The following LRP1B variants were observed in gnomAD, a reference collection of about 807,000 sequenced individuals.
LRP1B encodes the protein low-density lipoprotein receptor-related protein 1B.
Under a neutral mutation model 556.6 loss-of-function variants are expected in LRP1B, and 217 were observed. The observed-to-expected ratio is 0.39, with a 90% CI of 0.35 to 0.44. The LOEUF is 0.44. Ranked by LOEUF, LRP1B falls within the 20% of genes least tolerant of loss-of-function variation. The pLI is 1.00. For missense variants in LRP1B, 5,053 were observed against 5,620.8 expected, an observed-to-expected ratio of 0.90 and a Z score of 3.23; for synonymous variants, 2,047 against 1,865.8, an observed-to-expected ratio of 1.10 and a Z score of -2.50.
intron 66 of LRP1B, among the ~76,000 whole-genome samples, chr2:140,424,312 G>C (rs1478892478): frequency 6.6e-6 from 1 of 152,040 alleles, no homozygotes; most frequent in Non-Finnish European, 1.5e-5. Flanking sequence ...AATTTCAAAG[G>C]AGAGTTAAAT....
intron 1 of LRP1B, among the ~76,000 whole-genome samples, chr2:141,972,407 TTC>T (rs780006016): frequency 6.6e-6 from 1 of 151,644 alleles, no homozygotes; most frequent in African/African-American, 2.4e-5. Context: ...CTACATACTC[TTC>T]TTTTTTTAAT....
chr2:141,891,539 A>G (rs1699290314), intron 1 of LRP1B, among the ~76,000 whole-genome samples: 1 of 152,178 alleles, frequency 6.6e-6, no homozygotes. Flanking sequence ...GTAAGATTTT[A>G]TGCATACTCC....
chr2:141,565,516 G>A (rs1262869111), intron 2 of LRP1B, among the ~76,000 whole-genome samples: 2 of 152,124 alleles, frequency 1.3e-5, no homozygotes, highest in African/African-American at 2.4e-5. Flanking sequence ...AGCAGGTAAT[G>A]ATGTGGGATG....
In LRP1B at chr2:140,414,139, C is replaced by G. The variant is rs140900140; in HGVS notation, c.10415-28130G>C. ...CTATGTTGCCCAGACTGGTCTCAAA[C>G]TCATAACCTGAAGCAATCCTCCCAC... On this transcript the variant is annotated intron_variant, in intron 66 of 90. Coordinates refer to ENST00000389484, the MANE Select transcript of LRP1B (RefSeq NM_018557.3). Among the ~76,000 whole-genome samples, 967 of 152,240 alleles carry G rather than the reference C, an allele frequency of 6.4e-3. 11 individuals are homozygous for G. The highest frequency in any genetic ancestry group is 0.021 in the African/African-American group (853 of 41,536).
At chr2:140,539,522 C>T (rs532162755) in intron 45 of LRP1B, among the ~76,000 whole-genome samples, 1 of 152,176 alleles carries the variant, frequency 6.6e-6, no homozygotes, top group East Asian at 1.9e-4. Flanking sequence ...CTCTCGTCAA[C>T]AGAGAGAAGC....
intron 3 of LRP1B, among the ~76,000 whole-genome samples, chr2:141,300,257 TGCTTTGGAGGTACA>T (rs1426529548): frequency 6.6e-6 from 1 of 152,168 alleles, no homozygotes; most frequent in Non-Finnish European, 1.5e-5. Flanking sequence ...CTAAGACAAC[TGCTTTGGAGGTACA>T]CAAAGATTGA....
intron 1 of LRP1B, among the ~76,000 whole-genome samples, chr2:142,043,868 C>A (rs1559039941): frequency 6.6e-6 from 1 of 151,532 alleles, no homozygotes; most frequent in East Asian, 1.9e-4. Flanking sequence ...GTGATTTAGA[C>A]CAAAAGGCCA....
At chr2:141,129,836 A>T (rs895938840) in intron 7 of LRP1B, among the ~76,000 whole-genome samples, 1 of 119,130 alleles carries the variant, frequency 8.4e-6, no homozygotes, top group East Asian at 2.9e-4. Context: ...ATGATTTTTA[A>T]AAGTGTTCTT....
At chr2:140,944,925 A>G (rs1029236981) in intron 20 of LRP1B, among the ~76,000 whole-genome samples, 2 of 152,198 alleles carry the variant, frequency 1.3e-5, no homozygotes, top group African/African-American at 4.8e-5. Flanking sequence ...ATCAGTTAAT[A>G]GAATGAAATA....
intron 7 of LRP1B, among the ~76,000 whole-genome samples, chr2:141,176,387 T>G (rs1005650891): frequency 6.6e-6 from 1 of 152,058 alleles, no homozygotes; most frequent in African/African-American, 2.4e-5. Flanking sequence ...TCCCCTTTTC[T>G]GTTCTCATGA....
At position 141,272,909 on chromosome 2, in the gene LRP1B, C is replaced by T. The variant is rs1685140577; in HGVS notation, c.344-18268G>A. Among the ~76,000 whole-genome samples the T allele has an allele frequency of 2.0e-5, 3 of 152,250 alleles. No individual in the cohort carries two copies. In the East Asian group the frequency reaches 5.8e-4, roughly 29 times the overall value. On this transcript the variant is annotated intron_variant, in intron 3 of 90. Coordinates refer to ENST00000389484, the MANE Select transcript of LRP1B (RefSeq NM_018557.3). ...GTTCCACTTTTAATAATGGCAAGAACAATTAAGCAGTAGATCAACAAAGAA... is the reference window on the plus strand; with the variant it reads ...GTTCCACTTTTAATAATGGCAAGAATAATTAAGCAGTAGATCAACAAAGAA...
intron 86 of LRP1B, among the ~76,000 whole-genome samples, chr2:140,256,530 G>A (rs1231770759): frequency 4.4e-5 from 5 of 114,366 alleles, no homozygotes; most frequent in Non-Finnish European, 8.2e-5. Flanking sequence ...GTGCAGTGGC[G>A]CGATCTCAGC....
intron 1 of LRP1B, among the ~76,000 whole-genome samples, chr2:141,931,795 A>G (rs1700514932): frequency 6.6e-6 from 1 of 152,070 alleles, no homozygotes. Flanking sequence ...ACCTGATTTC[A>G]AAATGCGTGG....
intron 1 of LRP1B, among the ~76,000 whole-genome samples, chr2:141,979,800 C>A (rs1701992111): frequency 6.6e-6 from 1 of 152,042 alleles, no homozygotes; most frequent in African/African-American, 2.4e-5. Context: ...GAACTGCTTA[C>A]CAAATTGGAT....
chr2:142,025,574 T>G (rs16847942), intron 1 of LRP1B, among the ~76,000 whole-genome samples: 10,648 of 152,130 alleles, frequency 0.07, 468 homozygotes, highest in East Asian at 0.17. Context: ...TGTCAGCAAA[T>G]AACAGAACAA....
chr2:140,841,317 C>A (rs942914492), intron 29 of LRP1B, among the ~76,000 whole-genome samples: 3 of 152,136 alleles, frequency 2.0e-5, no homozygotes, highest in Non-Finnish European at 2.9e-5. Context: ...CAACAATTAG[C>A]ATTGAAATTA....
chr2:140,404,248 C>T (rs550702569), intron 66 of LRP1B, among the ~76,000 whole-genome samples: 3 of 144,192 alleles, frequency 2.1e-5, no homozygotes, highest in Admixed American at 1.4e-4. Flanking sequence ...TATCTCGGCT[C>T]GCTGCAATCT....
chr2:140,261,567 GGTTGAATAACCTAATTATTAACACC>G (rs1325664866), intron 86 of LRP1B, among the ~76,000 whole-genome samples: 1 of 151,668 alleles, frequency 6.6e-6, no homozygotes, highest in East Asian at 1.9e-4. Context: ...TTAATAATTA[GGTTGAATAACCTAATTATTAACACC>G]GTTGAATAAC....
chr2:140,403,915 C>G (rs1684616100), intron 66 of LRP1B, among the ~76,000 whole-genome samples: 1 of 152,244 alleles, frequency 6.6e-6, no homozygotes, highest in African/African-American at 2.4e-5. Flanking sequence ...AGACTAACAG[C>G]AGACATCTCA....
Sources: allele counts gnomAD v4.1 joint callset (sites outside exome capture counted in the v4.1 genomes callset), GRCh38; gene constraint gnomAD v4.1.1; transcripts MANE v1.5; gene names NCBI Gene and HGNC (gene_info 2026-07-23, HGNC 2026-07-21).